The following CLSTN2 variants were observed in gnomAD, a reference collection of about 807,000 sequenced individuals.
CLSTN2 encodes calsyntenin-2.
A neutral mutation model predicts 101.2 loss-of-function variants in CLSTN2; 48 were observed. The observed-to-expected ratio is 0.47, with a 90% CI of 0.38 to 0.60. The LOEUF is 0.60. CLSTN2 is among the 20% of genes least tolerant of loss of function. The pLI is 0.00. For missense variants in CLSTN2, 1,160 were observed against 1,238.2 expected, an observed-to-expected ratio of 0.94 and a Z score of 0.95; for synonymous variants, 481 against 463.6, an observed-to-expected ratio of 1.04 and a Z score of -0.48.
chr3:140,315,083 G>T (rs1004770677), intron 2 of CLSTN2, among the ~76,000 whole-genome samples: 2 of 152,220 alleles, frequency 1.3e-5, no homozygotes, highest in African/African-American at 4.8e-5. Flanking sequence ...GTGAGTGCTT[G>T]CTGGCAAGGA....
At chr3:139,982,786 A>G (rs1259817244) in intron 1 of CLSTN2, among the ~76,000 whole-genome samples, 2 of 152,214 alleles carry the variant, frequency 1.3e-5, no homozygotes, top group Non-Finnish European at 1.5e-5. Flanking sequence ...TATAGACTCA[A>G]TAAAACTAGA....
chr3:140,039,894 A>C (rs12107122), intron 1 of CLSTN2, among the ~76,000 whole-genome samples: 1 of 152,186 alleles, frequency 6.6e-6, no homozygotes, highest in African/African-American at 2.4e-5. Flanking sequence ...GACAGTAACA[A>C]CTTCTAAGTA....
At chr3:140,551,859 A>G (rs1319341836) in intron 10 of CLSTN2, among the ~76,000 whole-genome samples, 1 of 149,624 alleles carries the variant, frequency 6.7e-6, no homozygotes, top group Non-Finnish European at 1.5e-5. Context: ...TAGTGTATAC[A>G]TAATATATAT....
intron 8 of CLSTN2, among the ~76,000 whole-genome samples, chr3:140,479,218 T>A (rs1467306368): frequency 6.6e-6 from 1 of 151,488 alleles, no homozygotes; most frequent in Non-Finnish European, 1.5e-5. Flanking sequence ...ACATCTAGAG[T>A]TTTCCAGTGA....
chr3:140,160,069 A>ACTAACT (rs1255550541), intron 1 of CLSTN2, among the ~76,000 whole-genome samples: 3 of 152,092 alleles, frequency 2.0e-5, no homozygotes, highest in Non-Finnish European at 2.9e-5. Context: ...TACTGTGTTC[A>ACTAACT]CTAACTCGGT....
At chr3:139,983,227 C>T (rs1935963316) in intron 1 of CLSTN2, among the ~76,000 whole-genome samples, 1 of 151,938 alleles carries the variant, frequency 6.6e-6, no homozygotes, top group African/African-American at 2.4e-5. Context: ...ATGTGTTGCT[C>T]ACCTTTAATA....
chr3:140,150,874 A>G lies in CLSTN2; in HGVS notation c.110-25077A>G, dbSNP rs141756629. Among the ~76,000 whole-genome samples the G allele has an allele frequency of 5.9e-5, 9 of 152,284 alleles. No individual in the cohort carries two copies. In the East Asian group the frequency reaches 1.7e-3, roughly 29 times the overall value. ...TAACATGGTGCAATTCCCAGTACATAAGATAGGTGCTCAGCCCATATAAAA... is the reference window on the plus strand; with the variant it reads ...TAACATGGTGCAATTCCCAGTACATGAGATAGGTGCTCAGCCCATATAAAA... On this transcript the variant is annotated intron_variant, in intron 1 of 16. Transcript: ENST00000458420.
chr3:140,218,934 C>A (rs1386192037), intron 2 of CLSTN2, among the ~76,000 whole-genome samples: 1 of 152,090 alleles, frequency 6.6e-6, no homozygotes, highest in Non-Finnish European at 1.5e-5. Flanking sequence ...GGAACGTAAC[C>A]TGAATGGAGA....
At position 140,435,591 on chromosome 3, in the gene CLSTN2, C is replaced by T. The variant is rs140356060; in HGVS notation, c.788-12928C>T. The stretch of plus-strand genomic sequence containing the variant: ...TTCTTTGGGGTATATACCTAGGAAT[C>T]GGATTGCTGGATTAAATGGTAGCTA... On this transcript the variant is annotated intron_variant, in intron 5 of 16. Transcript: ENST00000458420. 8.8e-3 allele frequency among the ~76,000 whole-genome samples: 1,340 copies of T among 152,296 alleles called. 19 individuals carry two copies. The highest frequency in any genetic ancestry group is 0.014 in the Non-Finnish European group (957 of 68,008).
intron 8 of CLSTN2, among the ~76,000 whole-genome samples, chr3:140,487,522 C>T (rs547222949): frequency 1.5e-4 from 23 of 152,188 alleles, no homozygotes; most frequent in Non-Finnish European, 2.9e-4. Flanking sequence ...ATTCCAGTGT[C>T]CAAAGTAGAA....
At chr3:140,541,805 A>T (rs577412679) in intron 9 of CLSTN2, among the ~76,000 whole-genome samples, 1 of 152,084 alleles carries the variant, frequency 6.6e-6, no homozygotes, top group Non-Finnish European at 1.5e-5. Context: ...AGGAGGCCAG[A>T]TTCTCTTATT....
rs560123908 is a variant in CLSTN2, at chr3:140,235,453, T to G, written c.232+59380T>G. On this transcript the variant is annotated intron_variant, in intron 2 of 16. Transcript: ENST00000458420. ...GAAGTGGTCTGTGTTGGCAGAAATT[T>G]AAGCACATGCTTGGTGATAATGGTG... Among the ~76,000 whole-genome samples, 102 of 152,346 alleles carry G rather than the reference T, an allele frequency of 6.7e-4. 2 individuals are homozygous for G. Among genetic ancestry groups the G allele is most frequent in the South Asian group, 5.6e-3 (27 of 4,834 alleles).
At chr3:140,074,893 C>G (rs1219923765) in intron 1 of CLSTN2, among the ~76,000 whole-genome samples, 2 of 152,222 alleles carry the variant, frequency 1.3e-5, no homozygotes, top group East Asian at 3.9e-4. Flanking sequence ...GGGGCTCACT[C>G]TCCACCGAAC....
Position 139,935,463 on chromosome 3 carries a change from G to A in CLSTN2, c.89G>A (p.Arg30His). Residue 30 changes from arginine to histidine, a missense_variant, in exon 1 of 17, where the codon CGC becomes CAC. By Grantham distance (29) the Arg-to-His change is conservative (BLOSUM62 0). Transcript: ENST00000458420. This position sits in a 1 kb window ranked among gnomAD's most constrained non-coding sequence, Gnocchi z 5.5. ...GGCGGTGGCGGGGACAGCCGGCAGC[G>A]CCGCCTCCTCGCGGCTAAAGGTGGG... ...GSGGGGDSRQ[R>H]RLLAAKVNKH... 8.1e-7 allele frequency: 1 copy of A among 1,230,934 alleles called. No individual in the cohort carries two copies. The highest frequency in any genetic ancestry group is 1.0e-6 in the Non-Finnish European group (1 of 986,662). The allele number at this position is 1,230,934 out of a possible 1,614,324, so 76.3% of individuals were successfully genotyped here.
intron 1 of CLSTN2, among the ~76,000 whole-genome samples, chr3:140,167,427 C>G (rs1034814801): frequency 6.6e-6 from 1 of 152,150 alleles, no homozygotes; most frequent in Non-Finnish European, 1.5e-5. Context: ...GTTAGCACTT[C>G]TCTTTTTCCA....
At chr3:140,536,438 C>T (rs535814256) in intron 9 of CLSTN2, among the ~76,000 whole-genome samples, 108 of 152,090 alleles carry the variant, frequency 7.1e-4, no homozygotes, top group Non-Finnish European at 1.5e-3. Flanking sequence ...TTTCTGTGGC[C>T]CTGGCTTTCC....
chr3:140,008,992 C>G (rs896651776), intron 1 of CLSTN2, among the ~76,000 whole-genome samples: 2 of 152,208 alleles, frequency 1.3e-5, no homozygotes, highest in Admixed American at 1.3e-4. Context: ...TGGCCTCATG[C>G]ACACAGAAGC....
chr3:140,556,421 C>A (rs1438190038), intron 10 of CLSTN2, 92 bp from the exon 11 acceptor site: 14 of 1,236,014 alleles, frequency 1.1e-5, no homozygotes, highest in Admixed American at 1.7e-5. Context: ...TTTATGGTGA[C>A]CCTTGGTGCC....
chr3:140,230,951 G>A (rs2086366278), intron 2 of CLSTN2, among the ~76,000 whole-genome samples: 1 of 152,174 alleles, frequency 6.6e-6, no homozygotes, highest in Admixed American at 6.5e-5. Flanking sequence ...TTCACTGGCA[G>A]CGTGAGGTCA....
Sources: gnomAD v4.1 joint callset for allele counts (sites outside exome capture counted in the v4.1 genomes callset) on GRCh38, gnomAD v4.1.1 for gene constraint, Gnocchi (gnomAD v3.1) non-coding constraint, MANE v1.5 for transcripts, NCBI Gene and HGNC (gene_info 2026-07-23, HGNC 2026-07-21) for gene names.